Variants in KDM4C observed in about 807,000 individuals in gnomAD.
KDM4C encodes the protein lysine-specific demethylase 4C.
In KDM4C, 81 loss-of-function variants were observed where a neutral mutation model predicts 129.3. The ratio of observed to expected loss-of-function variants is 0.63; its 90% CI spans 0.52 to 0.75. The LOEUF is 0.75. Ranked by LOEUF, KDM4C falls within the 30% of genes least tolerant of loss-of-function variation. The pLI, the probability that KDM4C is intolerant of heterozygous loss-of-function variation, is 0.00. For missense variants in KDM4C, 1,457 were observed against 1,304.0 expected, an observed-to-expected ratio of 1.12 and a Z score of -1.81; for synonymous variants, 573 against 456.1, an observed-to-expected ratio of 1.26 and a Z score of -3.26.
At chr9:6,829,931 G>T (rs115467612) in intron 4 of KDM4C, among the ~76,000 whole-genome samples, 1,662 of 152,066 alleles carry the variant, frequency 0.011, 30 homozygotes, top group African/African-American at 0.037. Flanking sequence ...AAAAGCCTGT[G>T]TTTTTTTTCT....
At chr9:6,840,550 CCA>C (rs1352855873) in intron 4 of KDM4C, among the ~76,000 whole-genome samples, 3 of 152,118 alleles carry the variant, frequency 2.0e-5, no homozygotes, top group Non-Finnish European at 4.4e-5. Flanking sequence ...GCGTCTGCCA[CCA>C]CGCCTGGCTA....
At chr9:6,969,628 G>T (rs1303907958) in intron 8 of KDM4C, among the ~76,000 whole-genome samples, 2 of 152,168 alleles carry the variant, frequency 1.3e-5, no homozygotes, top group African/African-American at 4.8e-5. Flanking sequence ...ATCCCATGCT[G>T]ACTATCAAAT....
chr9:6,882,541 T>A (rs1844614466), intron 6 of KDM4C, among the ~76,000 whole-genome samples: 1 of 152,226 alleles, frequency 6.6e-6, no homozygotes, highest in South Asian at 2.1e-4. Context: ...TGGTTACTCG[T>A]CCAAAATATG....
chr9:6,961,779 C>T (rs1471606712), intron 8 of KDM4C, among the ~76,000 whole-genome samples: 1 of 152,204 alleles, frequency 6.6e-6, no homozygotes, highest in Non-Finnish European at 1.5e-5. Context: ...ACTTTTCTGT[C>T]ATCCGTTCAT....
intron 2 of KDM4C, among the ~76,000 whole-genome samples, chr9:6,795,407 C>G (rs1297811260): frequency 6.6e-6 from 1 of 152,252 alleles, no homozygotes; most frequent in African/African-American, 2.4e-5. Context: ...TCTCAGCTCA[C>G]TGCAACCTCT....
intron 17 of KDM4C, among the ~76,000 whole-genome samples, chr9:7,094,049 A>G (rs1836122786): frequency 6.6e-6 from 1 of 152,216 alleles, no homozygotes; most frequent in Non-Finnish European, 1.5e-5. Flanking sequence ...TATCTTTTTA[A>G]GGGCAGCTTC....
intron 19 of KDM4C, among the ~76,000 whole-genome samples, chr9:7,135,793 G>A (rs192181834): frequency 5.9e-5 from 9 of 152,256 alleles, no homozygotes; most frequent in Non-Finnish European, 8.8e-5. Context: ...GATCTTCGTC[G>A]GTGTCTACAC....
At chr9:7,167,952 C>T (rs1587969582) in intron 20 of KDM4C, among the ~76,000 whole-genome samples, 1 of 152,296 alleles carries the variant, frequency 6.6e-6, no homozygotes, top group East Asian at 1.9e-4. Flanking sequence ...AAGGCCGAGG[C>T]AGGCAGATCA....
At chr9:7,032,880 T>C (rs924904679) in intron 15 of KDM4C, among the ~76,000 whole-genome samples, 1 of 152,246 alleles carries the variant, frequency 6.6e-6, no homozygotes, top group Admixed American at 6.5e-5. Context: ...CTACTTAACG[T>C]AGAATAATTA....
At chr9:6,804,560 C>A (rs1829617972) in intron 2 of KDM4C, among the ~76,000 whole-genome samples, 1 of 151,962 alleles carries the variant, frequency 6.6e-6, no homozygotes. Context: ...GAGTTCAAGA[C>A]CATCCTGGCC....
intron 17 of KDM4C, among the ~76,000 whole-genome samples, chr9:7,087,752 A>AGTT (rs1425897028): frequency 1.3e-5 from 2 of 152,182 alleles, no homozygotes; most frequent in Non-Finnish European, 2.9e-5. Context: ...TGGATGATGG[A>AGTT]GTTATCAAAT....
chr9:7,172,610 C>T (rs1280557806), intron 21 of KDM4C, among the ~76,000 whole-genome samples: 4 of 152,220 alleles, frequency 2.6e-5, no homozygotes, highest in Non-Finnish European at 4.4e-5. Context: ...GTTTTCTTCT[C>T]TAGTGAAACT....
rs973165097 is a variant in KDM4C at position 7,150,151 on chromosome 9, A to G, written c.2782-15087A>G. Among the ~76,000 whole-genome samples the G allele has an allele frequency of 2.6e-5, 4 of 152,336 alleles. No individual in the cohort carries two copies. In the East Asian group the frequency reaches 5.8e-4, roughly 22 times the overall value. Reference sequence around the variant, plus strand: ...GAGCCCAAACGAAATCAGGTTGACAATGCCGGAGCCCCAAACAGTGGTCCC... The same window carrying G: ...GAGCCCAAACGAAATCAGGTTGACAGTGCCGGAGCCCCAAACAGTGGTCCC... On this transcript the variant is annotated intron_variant, in intron 19 of 21. Transcript: ENST00000381309.
chr9:6,795,518 G>T (rs1694483302), intron 2 of KDM4C, among the ~76,000 whole-genome samples: 1 of 152,060 alleles, frequency 6.6e-6, no homozygotes, highest in Non-Finnish European at 1.5e-5. Context: ...TTTTAGTAGA[G>T]ACAGGGTTTC....
At chr9:7,041,928 G>A (rs953549055) in intron 15 of KDM4C, among the ~76,000 whole-genome samples, 2 of 151,990 alleles carry the variant, frequency 1.3e-5, no homozygotes, top group Admixed American at 6.6e-5. Flanking sequence ...TTCCTGGAGA[G>A]TTTTCTTTTC....
chr9:7,103,987 C>G, intron 18 of KDM4C, 117 bp downstream of exon 18: 1 of 928,880 alleles, frequency 1.1e-6, no homozygotes, highest in South Asian at 1.7e-5. Context: ...GTTGACATGT[C>G]TAGACCGTGA....
Position 6,986,440 on chromosome 9 carries a change from C to A in KDM4C, c.1451C>A (p.Ala484Asp), listed in dbSNP as rs1266175718. The A allele has an allele frequency of 6.2e-7, 1 of 1,613,924 alleles. No individual in the cohort carries two copies. Among genetic ancestry groups the A allele is most frequent in the Non-Finnish European group, 8.5e-7 (1 of 1,179,848 alleles). ...YRSVPSISSE[A>D]DDSIPLSSGY... Reference sequence around the variant, plus strand: ...AGTGTACCTTCTATATCCAGTGAGGCTGATGATTCCATTCCATTGTCTAGT... The same window carrying A: ...AGTGTACCTTCTATATCCAGTGAGGATGATGATTCCATTCCATTGTCTAGT... Residue 484 changes from alanine to aspartate, a missense_variant, in exon 11 of 22, where the codon GCT (alanine) becomes GAT (aspartate). Physicochemically the swap from Ala to Asp is moderately radical, Grantham distance 126. Coordinates refer to ENST00000381309, the MANE Select transcript of KDM4C (RefSeq NM_015061.6).
At chr9:6,948,528 G>A (rs1348210368) in intron 8 of KDM4C, among the ~76,000 whole-genome samples, 2 of 138,034 alleles carry the variant, frequency 1.4e-5, no homozygotes, top group African/African-American at 2.8e-5. Flanking sequence ...GGTGTTTCTC[G>A]CAGAGGGGGA....
chr9:6,995,386 C>T (rs138706138), intron 12 of KDM4C, among the ~76,000 whole-genome samples: 1 of 152,202 alleles, frequency 6.6e-6, no homozygotes, highest in African/African-American at 2.4e-5. Flanking sequence ...TATTTCCACA[C>T]AGAGAATAGT....
Sources: gnomAD v4.1 joint callset for allele counts (sites outside exome capture counted in the v4.1 genomes callset) on GRCh38, gnomAD v4.1.1 for gene constraint, MANE v1.5 for transcripts, NCBI Gene and HGNC (gene_info 2026-07-23, HGNC 2026-07-21) for gene names.